ANKRD30A: variants seen among roughly 807,000 people sequenced by gnomAD.
ANKRD30A encodes the protein ankyrin repeat domain-containing protein 30A.
ANKRD30A carries 170 observed loss-of-function variants against 166.3 expected under a neutral mutation model. The observed-to-expected ratio is 1.02, with a 90% CI of 0.90 to 1.16. The LOEUF (loss-of-function observed/expected upper bound fraction) is 1.16, where lower values mean the gene tolerates loss of function less well. ANKRD30A is among the 50% of genes most tolerant of loss of function. The pLI, the probability that ANKRD30A is intolerant of heterozygous loss-of-function variation, is 0.00. For synonymous variants in ANKRD30A, 564 were observed against 508.9 expected (o/e 1.11, Z -1.46); for missense variants, 1,630 against 1,518.0 (o/e 1.07, Z -1.23).
chr10:37,191,292 T>A (rs1840557415), intron 25 of ANKRD30A, among the ~76,000 whole-genome samples: 1 of 151,956 alleles, frequency 6.6e-6, no homozygotes, highest in African/African-American at 2.4e-5. Flanking sequence ...AATATTTATA[T>A]TTAATATTAT....
rs367919388 is a variant in ANKRD30A at position 37,216,296 on chromosome 10, G to A, written c.2985G>A (p.Lys995=). 1.1e-4 allele frequency: 179 copies of A among 1,608,700 alleles called. No individual in the cohort carries two copies. The highest frequency in any genetic ancestry group is 1.1e-4 in the Non-Finnish European group (135 of 1,176,602). ...GAAAAATGGAACAAATGAAAAAGAA[G>A]TTTTGTGTACTGAAAAAGAAACTGT... ...RTGKMEQMKK[K]FCVLKKKLSE... Residue 995 remains lysine (K), a synonymous_variant, in exon 32 of 36, where the codon AAG becomes AAA. Transcript: ENST00000361713.
chr10:37,144,942 A>T, intron 7 of ANKRD30A, 53 bp from the exon 8 acceptor site: 1 of 1,353,666 alleles, frequency 7.4e-7, no homozygotes, highest in Non-Finnish European at 1.0e-6. Flanking sequence ...ATGTTTTAAA[A>T]ATTTATAATA....
At chr10:37,201,588 A>C (rs1841631551) in intron 31 of ANKRD30A, among the ~76,000 whole-genome samples, 1 of 152,070 alleles carries the variant, frequency 6.6e-6, no homozygotes, top group African/African-American at 2.4e-5. Context: ...GAAAGAAGAA[A>C]GTAGTAAAAG....
intron 24 of ANKRD30A, among the ~76,000 whole-genome samples, chr10:37,179,553 T>C (rs1415247869): frequency 6.6e-6 from 1 of 150,526 alleles, no homozygotes; most frequent in Non-Finnish European, 1.5e-5. Flanking sequence ...TATTTATATT[T>C]AATATTATGC....
At chr10:37,245,520 C>T in the ANKRD30A span, among the ~76,000 whole-genome samples, 1 of 151,946 alleles carries the variant, frequency 6.6e-6, no homozygotes, top group Non-Finnish European at 1.5e-5. Context: ...ATATTTCAAT[C>T]TCTATGTAGA....
intron 31 of ANKRD30A, among the ~76,000 whole-genome samples, chr10:37,213,124 G>T (rs565183281): frequency 6.6e-6 from 1 of 151,498 alleles, no homozygotes; most frequent in Non-Finnish European, 1.5e-5. Flanking sequence ...CGTTTTATTC[G>T]TTCCATCTCT....
In ANKRD30A at chr10:37,153,639, A is replaced by G. The variant is rs757385026; in HGVS notation, c.1775A>G (p.Asp592Gly). Residue 592 changes from aspartate (D) to glycine (G), a missense_variant, in exon 13 of 36, where the codon GAT becomes GGT. By Grantham distance (94) the Asp-to-Gly change is moderately conservative. This residue lies in a region of ANKRD30A where 904 missense variants were observed against 818.5 expected (regional missense o/e 1.10). Coordinates refer to ENST00000361713, the MANE Select transcript of ANKRD30A (RefSeq NM_052997.3). ...LPKATHQKEI[D>G]KINGKLEESP... The stretch of plus-strand genomic sequence containing the variant: ...AAGGCTACACATCAAAAAGAAATAG[A>G]TAAAATAAATGGAAAATTAGAAGGT... 14 of 1,611,700 alleles carry G rather than the reference A, an allele frequency of 8.7e-6. No individual in the cohort carries two copies. In the South Asian group the frequency reaches 1.4e-4, roughly 16 times the overall value.
intron 17 of ANKRD30A, 50 bp from the exon 18 acceptor site, chr10:37,165,044 T>C: frequency 6.4e-7 from 1 of 1,555,088 alleles, no homozygotes. Context: ...TTTTAAAATT[T>C]TTAGTAGAGA....
intron 29 of ANKRD30A, among the ~76,000 whole-genome samples, chr10:37,198,943 G>A (rs940788964): frequency 2.6e-5 from 4 of 152,016 alleles, no homozygotes. Flanking sequence ...TCTGTCTCAT[G>A]TTCCTGAGAA....
At chr10:37,229,556 A>G (rs1564600996) in intron 34 of ANKRD30A, among the ~76,000 whole-genome samples, 1 of 152,044 alleles carries the variant, frequency 6.6e-6, no homozygotes, top group South Asian at 2.1e-4. Flanking sequence ...ATTATAGTTA[A>G]CTGTATTCAC....
chr10:37,139,715 G>A (rs1337651920), intron 6 of ANKRD30A, among the ~76,000 whole-genome samples: 1 of 152,070 alleles, frequency 6.6e-6, no homozygotes, highest in African/African-American at 2.4e-5. Flanking sequence ...GAAGAAACAT[G>A]GTTTTATTGA....
At chr10:37,224,671 A>G (rs937569714) in intron 34 of ANKRD30A, among the ~76,000 whole-genome samples, 33 of 151,342 alleles carry the variant, frequency 2.2e-4, no homozygotes, top group Non-Finnish European at 3.7e-4. Flanking sequence ...TCTGATTCCA[A>G]TTAATATTTT....
intron 31 of ANKRD30A, among the ~76,000 whole-genome samples, chr10:37,203,196 A>G (rs980088179): frequency 1.3e-5 from 2 of 152,240 alleles, no homozygotes; most frequent in African/African-American, 4.8e-5. Flanking sequence ...ACAGAATTTT[A>G]GACCAGTATC....
At position 37,132,268 on chromosome 10, in the gene ANKRD30A, TA is replaced by T. The variant is rs1176966184; in HGVS notation, c.541del (p.Thr181ArgfsTer12). 2 of 1,602,726 alleles carry T rather than the reference TA, an allele frequency of 1.2e-6. No individual in the cohort carries two copies. Among genetic ancestry groups the T allele is most frequent in the Non-Finnish European group, 1.7e-6 (2 of 1,175,690 alleles). On this transcript the variant is annotated frameshift_variant, in exon 4 of 36. Coordinates refer to ENST00000361713, the MANE Select transcript of ANKRD30A (RefSeq NM_052997.3). LOFTEE classifies it high-confidence loss of function. Reference protein sequence around the residue: ...KASLTPLLLSITKRSEQIVEF... With the variant: ...KASLTPLLLSXTKRSEQIVEF... ...AGCCTCACACCACTTTTACTATCCA[TA>T]ACGAAAAGAAGTGAGCAAATTGTGG...
chr10:37,151,715 A>G (rs17605861), intron 11 of ANKRD30A, among the ~76,000 whole-genome samples: 3 of 152,158 alleles, frequency 2.0e-5, no homozygotes, highest in Non-Finnish European at 2.9e-5. Flanking sequence ...TACAAAGAAA[A>G]GAGAGATGAT....
At chr10:37,201,417 C>T in intron 31 of ANKRD30A, 92 bp downstream of exon 31, 1 of 962,184 alleles carries the variant, frequency 1.0e-6, no homozygotes, top group Non-Finnish European at 1.5e-6. Flanking sequence ...AAGAAAATTA[C>T]CTCCTAAATG....
At chr10:37,212,515 CTACTT>C (rs1472685669) in intron 31 of ANKRD30A, among the ~76,000 whole-genome samples, 6 of 152,006 alleles carry the variant, frequency 3.9e-5, no homozygotes, top group Non-Finnish European at 5.9e-5. Flanking sequence ...ATTGGAAAAA[CTACTT>C]TAAAGTTCAT....
At chr10:37,206,480 A>T (rs1396572152) in intron 31 of ANKRD30A, among the ~76,000 whole-genome samples, 3 of 152,058 alleles carry the variant, frequency 2.0e-5, no homozygotes, top group Non-Finnish European at 1.5e-5. Context: ...TTTTTTGTAA[A>T]ATTTCTGCTT....
chr10:37,234,534 A>G (rs1012675907), downstream of ANKRD30A, among the ~76,000 whole-genome samples: 1 of 152,078 alleles, frequency 6.6e-6, no homozygotes, highest in Admixed American at 6.6e-5. Flanking sequence ...CACTTGGTAC[A>G]TGTTTTTTAA....
Sources: gnomAD v4.1 joint callset for allele counts (sites outside exome capture counted in the v4.1 genomes callset) on GRCh38, gnomAD v4.1.1 for gene constraint, gnomAD v4.1.1 regional missense constraint, MANE v1.5 for transcripts, NCBI Gene and HGNC (gene_info 2026-07-23, HGNC 2026-07-21) for gene names.